Variants in MAP4K4 observed in about 807,000 individuals in gnomAD.
MAP4K4 encodes mitogen-activated protein kinase kinase kinase kinase 4, also known as HPK/GCK-like kinase HGK.
Under a neutral mutation model 189.6 loss-of-function variants are expected in MAP4K4, and 38 were observed. That is an observed-to-expected ratio of 0.20 (90% CI 0.15 to 0.26). MAP4K4 has a LOEUF of 0.26. MAP4K4 is among the 10% of genes least tolerant of loss of function. MAP4K4 has a pLI of 1.00. For missense variants in MAP4K4, 1,054 were observed against 1,726.9 expected (o/e 0.61, Z 6.91); for synonymous variants, 610 against 624.3 (o/e 0.98, Z 0.34).
At position 101,799,119 on chromosome 2, in the gene MAP4K4, C is replaced by T. The variant is rs375987881; in HGVS notation, c.180+8343C>T. ...TCAAGGTGAATTTATAGTGTATGAG[C>T]CTCCTAGGCAGTTAACCTCATTATT... On this transcript the variant is annotated intron_variant, in intron 3 of 32. Coordinates refer to ENST00000324219, the Ensembl canonical transcript of MAP4K4. Among the ~76,000 whole-genome samples, 199 of 152,216 alleles carry T rather than the reference C, an allele frequency of 1.3e-3. 1 individual carries two copies. Among genetic ancestry groups the T allele is most frequent in the African/African-American group, 4.5e-3 (186 of 41,524 alleles).
In MAP4K4 at chr2:101,859,760, C is replaced by T; in HGVS notation, c.1600C>T (p.Gln534Ter). The T allele has an allele frequency of 6.2e-7, 1 of 1,610,390 alleles. No individual in the cohort carries two copies. Among genetic ancestry groups the T allele is most frequent in the Non-Finnish European group, 8.5e-7 (1 of 1,178,652 alleles). Residue 534 changes from glutamine (Q) to a stop codon, truncating the protein, a stop_gained, in exon 15 of 33, where the codon CAG (glutamine) becomes TAG (stop). Coordinates refer to ENST00000324219, the Ensembl canonical transcript of MAP4K4. LOFTEE classifies it high-confidence loss of function. ...GCATGACCATAGGAGGCCGCACCCG[C>T]AGCACTCGCAGCAGCCGCCACCACC...
At chr2:101,725,256 T>A (rs2149492704) in intron 2 of MAP4K4, among the ~76,000 whole-genome samples, 1 of 152,120 alleles carries the variant, frequency 6.6e-6, no homozygotes, top group Non-Finnish European at 1.5e-5. Flanking sequence ...GAGGTGTGGG[T>A]AGGAATAAAG....
intron 22 of MAP4K4, 102 bp from the exon 23 acceptor site, chr2:101,870,193 A>T: frequency 1.7e-6 from 2 of 1,202,494 alleles, no homozygotes; most frequent in East Asian, 2.5e-5. Context: ...TTATATCGGT[A>T]GCCTCATCTC....
intron 2 of MAP4K4, among the ~76,000 whole-genome samples, chr2:101,762,891 G>A (rs2077086077): frequency 6.6e-6 from 1 of 152,226 alleles, no homozygotes; most frequent in South Asian, 2.1e-4. Flanking sequence ...TCCAGCAGCT[G>A]TTTTGGGCTG....
At chr2:101,778,733 T>C (rs1034668224) in intron 2 of MAP4K4, among the ~76,000 whole-genome samples, 5 of 152,180 alleles carry the variant, frequency 3.3e-5, no homozygotes, top group Non-Finnish European at 1.5e-5. Context: ...GGGTGCTTTT[T>C]ACTCCTCAGG....
In MAP4K4 at chr2:101,699,561, A is replaced by T. The variant is rs139218556; in HGVS notation, c.123+1023A>T. Among the ~76,000 whole-genome samples the T allele has an allele frequency of 6.5e-3, 994 of 152,310 alleles. 11 individuals are homozygous for T. The highest frequency in any genetic ancestry group is 0.023 in the African/African-American group (962 of 41,562). ...TTAGGGAAGCAGGGCTCTGTGGTTC[A>T]CCATGAAGAATTGTCATTGTCTCAT... On this transcript the variant is annotated intron_variant, in intron 2 of 32. Coordinates refer to ENST00000324219, the Ensembl canonical transcript of MAP4K4.
intron 15 of MAP4K4, 198 bp from the exon 16 acceptor site, chr2:101,860,627 C>A (rs2097618074): frequency 2.0e-6 from 1 of 505,954 alleles, no homozygotes; most frequent in African/African-American, 1.9e-5. Context: ...TTTTTATCTT[C>A]ATAAATATTT....
In MAP4K4 at chr2:101,705,313, CAG is replaced by C. The variant is rs143596430; in HGVS notation, c.123+6776_123+6777del. ...CTACCCTTATGGAACTCAAGAAAAACAGGGGGATGGACACAAAATGCCAGCTG... is the reference window on the plus strand; with the variant it reads ...CTACCCTTATGGAACTCAAGAAAAACGGGGATGGACACAAAATGCCAGCTG... On this transcript the variant is annotated intron_variant, in intron 2 of 32. Transcript: ENST00000324219. Among the ~76,000 whole-genome samples the C allele has an allele frequency of 8.5e-3, 1,296 of 152,156 alleles. 16 individuals are homozygous for C. Among genetic ancestry groups the C allele is most frequent in the African/African-American group, 0.029 (1,194 of 41,492 alleles).
intron 2 of MAP4K4, among the ~76,000 whole-genome samples, chr2:101,755,324 C>T (rs1466805428): frequency 6.6e-6 from 1 of 152,090 alleles, no homozygotes; most frequent in Non-Finnish European, 1.5e-5. Flanking sequence ...CACATGACCA[C>T]TGCTGGGGAA....
rs762381643 is a variant in MAP4K4 at position 101,839,904 on chromosome 2, C to T, written c.859C>T (p.Pro287Ser). 6 of 1,613,890 alleles carry T rather than the reference C, an allele frequency of 3.7e-6. No homozygotes were observed. In the East Asian group the frequency reaches 1.3e-4, roughly 36 times the overall value. ...CTCTACAGAGCAGCTTTTGAAACAT[C>T]CTTTTATAAGGGATCAGCCAAATGA... The change falls in exon 10 of 33, where the codon CCT becomes TCT. Residue 287 changes from proline (P) to serine (S), a missense_variant. Pro to Ser is a moderately conservative substitution (Grantham distance 74). Around this residue, in one of 4 missense-constraint regions of MAP4K4, gnomAD observed 200 missense variants for 509.0 expected, o/e 0.39. Coordinates refer to ENST00000324219, the Ensembl canonical transcript of MAP4K4.
chr2:101,885,095 T>C, intron 28 of MAP4K4, 92 bp from the exon 29 acceptor site: 1 of 554,370 alleles, frequency 1.8e-6, no homozygotes, highest in South Asian at 3.0e-5. Context: ...AAGGCATATT[T>C]ATAAAGTTTG....
chr2:101,712,507 TA>T (rs2046181916), intron 2 of MAP4K4, among the ~76,000 whole-genome samples: 2 of 151,594 alleles, frequency 1.3e-5, no homozygotes, highest in African/African-American at 2.4e-5. Context: ...TTTTTTATTT[TA>T]TTTTTTTTTG....
At chr2:101,772,796 A>C (rs1390915978) in intron 2 of MAP4K4, among the ~76,000 whole-genome samples, 1 of 152,130 alleles carries the variant, frequency 6.6e-6, no homozygotes. Flanking sequence ...ACTGTGCTAA[A>C]CCTCACACAC....
At chr2:101,698,246 G>T (rs1278917868) in intron 1 of MAP4K4, 109 bp downstream of exon 1, 5 of 381,318 alleles carry the variant, frequency 1.3e-5, no homozygotes, top group Non-Finnish European at 1.8e-5. Flanking sequence ...GCAGAGCCGC[G>T]GGGCGCGGCG....
intron 2 of MAP4K4, among the ~76,000 whole-genome samples, chr2:101,754,242 C>A (rs1012397397): frequency 6.6e-6 from 1 of 151,892 alleles, no homozygotes; most frequent in African/African-American, 2.4e-5. Context: ...TAGTGCCACC[C>A]GATTCTGCCA....
chr2:101,745,131 AGTATTTGATGGTGTGTTTCTTTGGT>A (rs1402135454), intron 2 of MAP4K4, among the ~76,000 whole-genome samples: 3 of 152,036 alleles, frequency 2.0e-5, no homozygotes, highest in South Asian at 2.1e-4. Context: ...TTTTTTGACA[AGTATTTGATGGTGTGTTTCTTTGGT>A]GTATTTGATG....
intron 2 of MAP4K4, among the ~76,000 whole-genome samples, chr2:101,778,887 G>C (rs961746329): frequency 6.6e-6 from 1 of 152,118 alleles, no homozygotes; most frequent in Admixed American, 6.5e-5. Flanking sequence ...GGTACCTGGA[G>C]CTTTGAAGCC....
At chr2:101,698,257 G>A in intron 1 of MAP4K4, 120 bp downstream of exon 1, 1 of 392,276 alleles carries the variant, frequency 2.5e-6, no homozygotes, top group Non-Finnish European at 3.7e-6. Context: ...GGGCGCGGCG[G>A]CCCCTTTGTC....
intron 6 of MAP4K4, among the ~76,000 whole-genome samples, chr2:101,829,915 A>G (rs1156599558): frequency 6.6e-6 from 1 of 152,224 alleles, no homozygotes; most frequent in African/African-American, 2.4e-5. Flanking sequence ...ACCCTTGCCC[A>G]TAAAAAGCCA....
Sources: gnomAD v4.1 joint callset for allele counts (sites outside exome capture counted in the v4.1 genomes callset) on GRCh38, gnomAD v4.1.1 for gene constraint, gnomAD v4.1.1 regional missense constraint, MANE v1.5 for transcripts, NCBI Gene and HGNC (gene_info 2026-07-23, HGNC 2026-07-21) for gene names.